Variants in LRRTM4 observed in about 807,000 individuals in gnomAD.
LRRTM4 encodes the protein leucine rich repeat transmembrane neuronal 4, also known as leucine-rich repeat transmembrane neuronal protein 4.
Under a neutral mutation model 47.6 loss-of-function variants are expected in LRRTM4, and 25 were observed. That is an observed-to-expected ratio of 0.53 (90% CI 0.38 to 0.73). The LOEUF (loss-of-function observed/expected upper bound fraction) is 0.73. LRRTM4 is among the 30% of genes least tolerant of loss of function. The pLI is 0.00. For missense variants in LRRTM4, 638 were observed against 713.4 expected (o/e 0.89, Z 1.20); for synonymous variants, 311 against 269.5 (o/e 1.15, Z -1.51).
chr2:77,213,969 G>GAA (rs200629779), intron 3 of LRRTM4, among the ~76,000 whole-genome samples: 1 of 145,406 alleles, frequency 6.9e-6, no homozygotes, highest in African/African-American at 2.5e-5. Flanking sequence ...ACAAACAAAA[G>GAA]AAAAAAAAAA....
chr2:77,088,042 T>C lies in LRRTM4; in HGVS notation c.1552-339126A>G, dbSNP rs116446215. 5.0e-3 allele frequency among the ~76,000 whole-genome samples: 763 copies of C among 152,186 alleles called. 4 individuals are homozygous for C. Among genetic ancestry groups the C allele is most frequent in the African/African-American group, 0.017 (706 of 41,506 alleles). ...GGGAAGCAGGGACAACAAATACAAGTAAGTGTGCTGAATGTGTCACTGAGC... is the reference window on the plus strand; with the variant it reads ...GGGAAGCAGGGACAACAAATACAAGCAAGTGTGCTGAATGTGTCACTGAGC... On this transcript the variant is annotated intron_variant, in intron 3 of 3. Coordinates refer to ENST00000409884, the MANE Select transcript of LRRTM4 (RefSeq NM_001134745.3).
intron 3 of LRRTM4, among the ~76,000 whole-genome samples, chr2:77,464,849 A>G (rs908914963): frequency 2.0e-5 from 3 of 152,186 alleles, no homozygotes; most frequent in African/African-American, 7.2e-5. Flanking sequence ...GGCAATAAAA[A>G]TCAGCATTGT....
intron 3 of LRRTM4, among the ~76,000 whole-genome samples, chr2:77,102,405 G>T (rs912771473): frequency 6.6e-6 from 1 of 152,156 alleles, no homozygotes; most frequent in African/African-American, 2.4e-5. Flanking sequence ...TGAATGTCTA[G>T]GTTACTTCAG....
Position 77,234,566 on chromosome 2 carries a change from T to A in LRRTM4, c.1551+283752A>T, listed in dbSNP as rs527502201. 9.2e-5 allele frequency among the ~76,000 whole-genome samples: 14 copies of A among 152,298 alleles called. No homozygotes were observed. The South Asian group carries it at 2.9e-3, about 32-fold the overall frequency. ...GTAATTATATGCTAAAATTTGTTAT[T>A]TTATATAATTGCTCAGATTTATAGG... On this transcript the variant is annotated intron_variant, in intron 3 of 3. Coordinates refer to ENST00000409884, the MANE Select transcript of LRRTM4 (RefSeq NM_001134745.3).
At chr2:76,885,916 A>C (rs1673062653) in intron 3 of LRRTM4, among the ~76,000 whole-genome samples, 1 of 152,206 alleles carries the variant, frequency 6.6e-6, no homozygotes, top group Non-Finnish European at 1.5e-5. Context: ...TTTTCAACTC[A>C]TTTGAAGAAA....
At position 77,008,210 on chromosome 2, in the gene LRRTM4, C is replaced by T. The variant is rs1207919997; in HGVS notation, c.1552-259294G>A. Among the ~76,000 whole-genome samples the T allele has an allele frequency of 2.6e-5, 4 of 152,090 alleles. No individual in the cohort carries two copies. In the East Asian group the frequency reaches 7.7e-4, roughly 29 times the overall value. On this transcript the variant is annotated intron_variant, in intron 3 of 3. Transcript: ENST00000409884. ...TTCTCATCCCAAATGGCAATCTTTACCTTTAAGTCCCAATAACTAAAGGAA... is the reference window on the plus strand; with the variant it reads ...TTCTCATCCCAAATGGCAATCTTTATCTTTAAGTCCCAATAACTAAAGGAA...
chr2:77,243,444 A>T (rs1675331762), intron 3 of LRRTM4, among the ~76,000 whole-genome samples: 1 of 149,438 alleles, frequency 6.7e-6, no homozygotes, highest in Non-Finnish European at 1.5e-5. Flanking sequence ...TAAAAAAAAA[A>T]GATAAATACT....
intron 3 of LRRTM4, among the ~76,000 whole-genome samples, chr2:76,844,536 CAA>C (rs1432907194): frequency 6.6e-6 from 1 of 152,080 alleles, no homozygotes; most frequent in Non-Finnish European, 1.5e-5. Flanking sequence ...TCTGTATCAG[CAA>C]AAGTTAAATG....
At chr2:76,864,105 G>T (rs1672397591) in intron 3 of LRRTM4, among the ~76,000 whole-genome samples, 1 of 152,156 alleles carries the variant, frequency 6.6e-6, no homozygotes, top group Non-Finnish European at 1.5e-5. Flanking sequence ...TTTGCTAGGA[G>T]AAGAAAAGTC....
chr2:77,282,481 A>G (rs1360115626), intron 3 of LRRTM4, among the ~76,000 whole-genome samples: 2 of 151,148 alleles, frequency 1.3e-5, no homozygotes, highest in Non-Finnish European at 3.0e-5. Flanking sequence ...TTCCAGGATT[A>G]TGTTAAATAG....
At chr2:77,157,505 T>C (rs1672590789) in intron 3 of LRRTM4, among the ~76,000 whole-genome samples, 1 of 152,150 alleles carries the variant, frequency 6.6e-6, no homozygotes, top group African/African-American at 2.4e-5. Context: ...TTCTATTTCA[T>C]TATTGCTTAT....
intron 3 of LRRTM4, among the ~76,000 whole-genome samples, chr2:76,780,135 T>G (rs1045773788): frequency 6.6e-5 from 10 of 152,220 alleles, no homozygotes; most frequent in Non-Finnish European, 1.3e-4. Context: ...AGATCCGCTG[T>G]TAGTCTGATG....
In LRRTM4 at chr2:77,018,259, C is replaced by CTTTTTTTTTTTTTTTTTTT. The variant is rs59294966; in HGVS notation, c.1552-269344_1552-269343insAAAAAAAAAAAAAAAAAAA. Among the ~76,000 whole-genome samples, 133 of 75,018 alleles carry CTTTTTTTTTTTTTTTTTTT rather than the reference C, an allele frequency of 1.8e-3. 4 individuals carry two copies. The highest frequency in any genetic ancestry group is 0.014 in the Middle Eastern group (1 of 74). The allele number at this position is 75,018 out of a possible 152,430, so 49.2% of individuals were successfully genotyped here. A position where few individuals can be genotyped will look rare whatever the true frequency, so the allele number is the denominator to read the frequency against. Reference sequence around the variant, plus strand: ...CCATGTAATGCTAAGCTCTTGATTGCTTTTTTTTTTTTTTTTTTGTCTTTG... The same window carrying CTTTTTTTTTTTTTTTTTTT: ...CCATGTAATGCTAAGCTCTTGATTGCTTTTTTTTTTTTTTTTTTTTTTTTTTTTTTTTTTTTTGTCTTTG... On this transcript the variant is annotated intron_variant, in intron 3 of 3. Transcript: ENST00000409884.
intron 3 of LRRTM4, among the ~76,000 whole-genome samples, chr2:77,011,451 G>C (rs370274105): frequency 6.6e-6 from 1 of 151,706 alleles, no homozygotes; most frequent in Non-Finnish European, 1.5e-5. Context: ...AGAAAACCAT[G>C]CAAGATTTTA....
intron 3 of LRRTM4, among the ~76,000 whole-genome samples, chr2:77,139,113 A>T (rs754156764): frequency 1.1e-4 from 16 of 152,160 alleles, no homozygotes; most frequent in Non-Finnish European, 5.9e-5. Flanking sequence ...ATCCTCCCTA[A>T]CACATTTTAT....
At chr2:77,169,568 T>C (rs776821788) in intron 3 of LRRTM4, among the ~76,000 whole-genome samples, 16 of 152,184 alleles carry the variant, frequency 1.1e-4, no homozygotes, top group Non-Finnish European at 2.1e-4. Context: ...GCTCCTCTCC[T>C]GAGACTGGGT....
chr2:77,383,186 A>G (rs1407374297), intron 3 of LRRTM4, among the ~76,000 whole-genome samples: 1 of 152,112 alleles, frequency 6.6e-6, no homozygotes, highest in Non-Finnish European at 1.5e-5. Flanking sequence ...CTATTTGTAA[A>G]GTACTAATAA....
At chr2:77,087,616 T>A (rs951996949) in intron 3 of LRRTM4, among the ~76,000 whole-genome samples, 2 of 152,060 alleles carry the variant, frequency 1.3e-5, no homozygotes, top group African/African-American at 4.8e-5. Context: ...CAAACCACCA[T>A]CAGTGAGAAT....
At chr2:76,976,946 A>G (rs966409588) in intron 3 of LRRTM4, among the ~76,000 whole-genome samples, 46 of 151,938 alleles carry the variant, frequency 3.0e-4, no homozygotes, top group African/African-American at 1.1e-3. Flanking sequence ...ATATCACTCT[A>G]CATCCCATAG....
Sources: allele counts gnomAD v4.1 joint callset (sites outside exome capture counted in the v4.1 genomes callset), GRCh38; gene constraint gnomAD v4.1.1; transcripts MANE v1.5; gene names NCBI Gene and HGNC (gene_info 2026-07-23, HGNC 2026-07-21).